TBC1D28: variants seen among roughly 807,000 people sequenced by gnomAD.
TBC1D28 encodes TBC1 domain family, member 28.
In TBC1D28, 20 loss-of-function variants were observed where a neutral mutation model predicts 29.2. The ratio of observed to expected loss-of-function variants is 0.68; its 90% CI spans 0.48 to 0.99. The LOEUF is 0.99. TBC1D28 is among the 50% of genes least tolerant of loss of function. The pLI, the probability that TBC1D28 is intolerant of heterozygous loss-of-function variation, is 0.00. For synonymous variants in TBC1D28, 65 were observed against 90.9 expected (o/e 0.71, Z 1.62); for missense variants, 205 against 243.7 (o/e 0.84, Z 1.06).
At chr17:18,637,446 T>A (rs2151714778) in intron 8 of TBC1D28, among the ~76,000 whole-genome samples, 1 of 139,246 alleles carries the variant, frequency 7.2e-6, no homozygotes, top group Admixed American at 7.2e-5. Context: ...CCCTGTCACG[T>A]TCCCACCAGC....
chr17:18,638,205 A>G, intron 7 of TBC1D28, 108 bp downstream of exon 8: 1 of 1,394,842 alleles, frequency 7.2e-7, no homozygotes, highest in Non-Finnish European at 9.9e-7. Flanking sequence ...ATCTGACCAC[A>G]GCCCCCACCC....
At chr17:18,638,487 C>A in intron 6 of TBC1D28, 67 bp from the exon 8 acceptor site, 1 of 1,589,838 alleles carries the variant, frequency 6.3e-7, no homozygotes, top group Non-Finnish European at 8.6e-7. Flanking sequence ...AGCTGGCGAA[C>A]AGGCCTGCAG....
intron 8 of TBC1D28, 140 bp downstream of exon 9, chr17:18,637,724 C>T (rs1332249903): frequency 5.0e-5 from 67 of 1,345,150 alleles, no homozygotes; most frequent in East Asian, 5.0e-4. Context: ...TCCATGGTGC[C>T]GGCTGCTCCC....
chr17:18,643,634 C>T (rs1357098648), upstream of TBC1D28, among the ~76,000 whole-genome samples: 1 of 151,150 alleles, frequency 6.6e-6, no homozygotes, highest in Non-Finnish European at 1.5e-5. Context: ...TGACCATGTC[C>T]TCGCTGACCA....
chr17:18,638,654 A>G (rs2031623151), exon 6 of TBC1D28: 2 of 1,614,182 alleles, frequency 1.2e-6, no homozygotes, highest in Non-Finnish European at 1.7e-6. Flanking sequence ...TCCAGTCTGC[A>G]AGCATCTTTT....
At chr17:18,642,278 T>C (rs1597485206) in exon 1 of TBC1D28, 1 of 152,612 alleles carries the variant, frequency 6.6e-6, no homozygotes, top group African/African-American at 2.4e-5. Flanking sequence ...AAGGACCCCA[T>C]GTGTCCAGTG....
chr17:18,636,569 C>T lies in TBC1D28; in HGVS notation c.526G>A (p.Ala176Thr). The change falls in exon 9 of 9, where the codon GCC (alanine) becomes ACC (threonine). Residue 176 changes from alanine to threonine, a missense_variant. Ala to Thr is a moderately conservative substitution (Grantham distance 58). Coordinates refer to ENST00000345096, the Ensembl canonical transcript of TBC1D28. Reference sequence around the variant, plus strand: ...CTCACAGGGTTATATGCAGAATAGGCCACGAGGATGTCACATAATTCCTGC... The same window carrying T: ...CTCACAGGGTTATATGCAGAATAGGTCACGAGGATGTCACATAATTCCTGC... 4 of 1,613,560 alleles carry T rather than the reference C, an allele frequency of 2.5e-6. No individual in the cohort carries two copies. In the South Asian group the frequency reaches 3.3e-5, roughly 13 times the overall value.
At chr17:18,642,509 G>A (rs1256023964), upstream of TBC1D28, 1 of 152,062 alleles carries the variant, frequency 6.6e-6, no homozygotes, top group Non-Finnish European at 1.5e-5. Flanking sequence ...ATGGCAAAGG[G>A]TAGGGCTGAG....
intron 6 of TBC1D28, 54 bp from the exon 8 acceptor site, chr17:18,638,474 G>A (rs536330848): frequency 3.1e-6 from 5 of 1,604,686 alleles, no homozygotes; most frequent in Admixed American, 1.7e-5. Flanking sequence ...CCCCGCAGAG[G>A]AAAGCTGGCG....
At chr17:18,638,247 A>C in intron 7 of TBC1D28, 66 bp downstream of exon 8, 1 of 1,562,382 alleles carries the variant, frequency 6.4e-7, no homozygotes, top group South Asian at 1.1e-5. Flanking sequence ...CTCCAGCTGG[A>C]GTCCTGGGAT....
Position 18,641,268 on chromosome 17 carries a change from C to T in TBC1D28, c.75+10G>A, listed in dbSNP as rs1474304867. The T allele has an allele frequency of 6.2e-7, 1 of 1,610,996 alleles. No homozygotes were observed. Among genetic ancestry groups the T allele is most frequent in the African/African-American group, 1.3e-5 (1 of 74,266 alleles). ...CCCTGCTTCCCTTGAGGGAGCGGCC[C>T]AACTTGTACCTGCTCATACTTAGTA... On this transcript the variant is annotated intron_variant, in intron 3 of 8. Transcript: ENST00000345096.
chr17:18,635,510 T>C (rs1018749904), exon 9 of TBC1D28: 45 of 868,482 alleles, frequency 5.2e-5, no homozygotes, highest in Non-Finnish European at 6.2e-5. Context: ...GTGCTTTCCA[T>C]GCAAAAGACA....
chr17:18,634,407 A>G (rs1381921510), downstream of TBC1D28, among the ~76,000 whole-genome samples: 1 of 151,924 alleles, frequency 6.6e-6, no homozygotes. Context: ...AAAACAACAA[A>G]AGCACAAAAG....
At position 18,641,002 on chromosome 17, in the gene TBC1D28, C is replaced by A; in HGVS notation, c.158+20G>T. 2 of 527,006 alleles carry A rather than the reference C, an allele frequency of 3.8e-6. No individual in the cohort carries two copies. Among genetic ancestry groups the A allele is most frequent in the South Asian group, 4.2e-5 (2 of 47,380 alleles). 32.6% of individuals were successfully genotyped at this position (527,006 alleles called of 1,614,324 possible). ...CTGAGGTGAGATTGGTGGCTGGGGTCGGGGGGACAGAGGACTTACTGCACA... is the reference window on the plus strand; with the variant it reads ...CTGAGGTGAGATTGGTGGCTGGGGTAGGGGGGACAGAGGACTTACTGCACA... On this transcript the variant is annotated intron_variant, in intron 4 of 8. Transcript: ENST00000345096.
chr17:18,641,268 C>G lies in TBC1D28; in HGVS notation c.75+10G>C, dbSNP rs1474304867. 1 of 1,610,996 alleles carries G rather than the reference C, an allele frequency of 6.2e-7. No homozygotes were observed. The highest frequency in any genetic ancestry group is 8.5e-7 in the Non-Finnish European group (1 of 1,178,856). The stretch of plus-strand genomic sequence containing the variant: ...CCCTGCTTCCCTTGAGGGAGCGGCC[C>G]AACTTGTACCTGCTCATACTTAGTA... On this transcript the variant is annotated intron_variant, in intron 3 of 8. Coordinates refer to ENST00000345096, the Ensembl canonical transcript of TBC1D28.
intron 4 of TBC1D28, among the ~76,000 whole-genome samples, chr17:18,640,144 C>T (rs541060072): frequency 3.0e-4 from 45 of 152,330 alleles, no homozygotes; most frequent in Non-Finnish European, 5.9e-4. Context: ...ATCCACCCTG[C>T]GCAGTGCTGA....
exon 7 of TBC1D28, chr17:18,638,357 G>T: frequency 6.2e-7 from 1 of 1,614,234 alleles, no homozygotes; most frequent in Non-Finnish European, 8.5e-7. Flanking sequence ...TCAATATCTA[G>T]CAAAAGTGAC....
At position 18,638,308 on chromosome 17, in the gene TBC1D28, C is replaced by T. The variant is rs779591581; in HGVS notation, c.387+5G>A. On this transcript the variant is annotated splice_donor_5th_base_variant and intron_variant, in intron 7 of 8. Coordinates refer to ENST00000345096, the Ensembl canonical transcript of TBC1D28. ...CTGCCCTAGCTGAGTGTGGGAGGGACTTACCTTATATTTGCCTGGGTTCTG... is the reference window on the plus strand; with the variant it reads ...CTGCCCTAGCTGAGTGTGGGAGGGATTTACCTTATATTTGCCTGGGTTCTG... The T allele has an allele frequency of 8.1e-6, 13 of 1,613,932 alleles. No homozygotes were observed. Among genetic ancestry groups the T allele is most frequent in the Middle Eastern group, 1.6e-4 (1 of 6,084 alleles).
chr17:18,636,351 A>T, exon 9 of TBC1D28: 1 of 1,520,940 alleles, frequency 6.6e-7, no homozygotes, highest in Non-Finnish European at 8.8e-7. Context: ...TCTTCATCTG[A>T]GATGTGGTGA....
Sources: allele counts gnomAD v4.1 joint callset (sites outside exome capture counted in the v4.1 genomes callset), GRCh38; gene constraint gnomAD v4.1.1; transcripts MANE v1.5; gene names NCBI Gene and HGNC (gene_info 2026-07-23, HGNC 2026-07-21).